The following AFF2 variants were observed in gnomAD, a reference collection of about 807,000 sequenced individuals.
AFF2 encodes ALF transcription elongation factor 2.
Under a neutral mutation model 76.9 loss-of-function variants are expected in AFF2, and 14 were observed. The observed-to-expected ratio is 0.18, with a 90% CI of 0.12 to 0.28. The LOEUF (loss-of-function observed/expected upper bound fraction) is 0.28. AFF2 is among the 10% of genes least tolerant of loss of function. The pLI is 1.00. For synonymous variants in AFF2, 398 were observed against 366.7 expected (o/e 1.09, Z -0.98); for missense variants, 868 against 1,001.1 (o/e 0.87, Z 1.79).
chrX:148,549,623 A>G (rs1433336944), intron 1 of AFF2, among the ~76,000 whole-genome samples: 2 of 111,856 alleles, frequency 1.8e-5, no homozygotes, highest in Non-Finnish European at 3.8e-5. Flanking sequence ...TAGATATGCC[A>G]ATGTGAGATT....
At chrX:148,967,182 T>A in intron 14 of AFF2, 103 bp downstream of exon 14, 1 of 1,121,661 alleles carries the variant, frequency 8.9e-7, no homozygotes, top group South Asian at 2.1e-5. Flanking sequence ...AAATAAGACC[T>A]CAGCATCAAA....
chrX:148,699,610 A>ATCT (rs1840779966), intron 3 of AFF2, among the ~76,000 whole-genome samples: 1 of 111,125 alleles, frequency 9.0e-6, no homozygotes, highest in East Asian at 2.8e-4. Context: ...GATAATGATG[A>ATCT]ACTTTCACTC....
At chrX:148,896,956 A>T in intron 8 of AFF2, among the ~76,000 whole-genome samples, 1 of 107,844 alleles carries the variant, frequency 9.3e-6, no homozygotes, top group Non-Finnish European at 1.9e-5. Context: ...TTAATGAGAA[A>T]GTAACTCCCT....
intron 9 of AFF2, among the ~76,000 whole-genome samples, chrX:148,936,299 A>G (rs575551245): frequency 1.8e-5 from 2 of 112,262 alleles, no homozygotes; most frequent in South Asian, 7.4e-4. Context: ...ACATGCAGGA[A>G]TTTACTTTGG....
At position 148,973,440 on chromosome X, in the gene AFF2, A is replaced by G. The variant is rs782639232; in HGVS notation, c.3268-31A>G. On this transcript the variant is annotated intron_variant, in intron 15 of 20. Coordinates refer to ENST00000370460, the MANE Select transcript of AFF2 (RefSeq NM_002025.4). ...TTATATGAAGGAGAAAACAGAGAGT[A>G]TTATCTTGACGAGTCATCTTCCTGT... 35 of 1,206,394 alleles carry G rather than the reference A, an allele frequency of 2.9e-5. 1 individual carries two copies. The South Asian group carries it at 5.8e-4, about 20-fold the overall frequency.
At chrX:148,655,402 A>G (rs1433055378) in intron 2 of AFF2, among the ~76,000 whole-genome samples, 1 of 108,958 alleles carries the variant, frequency 9.2e-6, no homozygotes, top group Non-Finnish European at 1.9e-5. Context: ...CAGCCTCCCA[A>G]GTATCTGGAA....
In AFF2 at chrX:148,691,873, A is replaced by G. The variant is rs139063326; in HGVS notation, c.1041+29105A>G. On this transcript the variant is annotated intron_variant, in intron 3 of 20. Transcript: ENST00000370460. Reference sequence around the variant, plus strand: ...TTGAGACCTTAAAATCCATCTCAACACAGCTGTTTAGGCAACCATCACCAT... The same window carrying G: ...TTGAGACCTTAAAATCCATCTCAACGCAGCTGTTTAGGCAACCATCACCAT... Among the ~76,000 whole-genome samples the G allele has an allele frequency of 2.7e-4, 30 of 111,894 alleles. 1 individual carries two copies. The East Asian group carries it at 6.5e-3, about 24-fold the overall frequency.
intron 3 of AFF2, among the ~76,000 whole-genome samples, chrX:148,717,741 G>T (rs928742391): frequency 9.0e-6 from 1 of 111,132 alleles, no homozygotes; most frequent in Non-Finnish European, 1.9e-5. Context: ...TGTGTTCAGA[G>T]AACAGGAAGG....
intron 1 of AFF2, among the ~76,000 whole-genome samples, chrX:148,517,905 C>G (rs1400060936): frequency 1.9e-5 from 2 of 107,934 alleles, no homozygotes; most frequent in Non-Finnish European, 1.9e-5. Context: ...CGCCTGTAGT[C>G]CCAGCTACTC....
At chrX:148,950,107 T>C (rs1293515581) in intron 9 of AFF2, among the ~76,000 whole-genome samples, 2 of 112,810 alleles carry the variant, frequency 1.8e-5, no homozygotes, top group African/African-American at 6.4e-5. Context: ...GAAAGTTCCA[T>C]GGTATATTCC....
intron 3 of AFF2, among the ~76,000 whole-genome samples, chrX:148,702,972 T>C (rs1320532957): frequency 8.9e-6 from 1 of 112,228 alleles, no homozygotes; most frequent in Non-Finnish European, 1.9e-5. Context: ...CCTATTAGGC[T>C]CAGGAAGAAA....
In AFF2 at chrX:148,718,270, C is replaced by T. The variant is rs192137594; in HGVS notation, c.1041+55502C>T. On this transcript the variant is annotated intron_variant, in intron 3 of 20. Transcript: ENST00000370460. Reference sequence around the variant, plus strand: ...CAGATGCTTTTGAAGAAAACATAATCATGGATAATCATCCACTGTTGCATT... The same window carrying T: ...CAGATGCTTTTGAAGAAAACATAATTATGGATAATCATCCACTGTTGCATT... Among the ~76,000 whole-genome samples, 5 of 111,629 alleles carry T rather than the reference C, an allele frequency of 4.5e-5. No homozygotes were observed. The Admixed American group carries it at 4.8e-4, about 11-fold the overall frequency.
At chrX:148,742,301 A>G (rs1173305633) in intron 3 of AFF2, among the ~76,000 whole-genome samples, 1 of 112,515 alleles carries the variant, frequency 8.9e-6, no homozygotes, top group Non-Finnish European at 1.9e-5. Context: ...TTTACTGAAC[A>G]TATTTCTGCG....
chrX:148,909,043 T>C (rs1280425597), intron 9 of AFF2, among the ~76,000 whole-genome samples: 1 of 112,170 alleles, frequency 8.9e-6, no homozygotes, highest in African/African-American at 3.2e-5. Context: ...TTAAGCTTTT[T>C]TGTGATGCTG....
intron 9 of AFF2, among the ~76,000 whole-genome samples, chrX:148,945,990 G>A (rs1182734518): frequency 1.8e-5 from 2 of 112,205 alleles, no homozygotes; most frequent in Non-Finnish European, 3.8e-5. Flanking sequence ...CCTGAGTCTG[G>A]TCAATCTACA....
At chrX:148,756,402 G>T (rs1185122468) in intron 3 of AFF2, among the ~76,000 whole-genome samples, 2 of 112,216 alleles carry the variant, frequency 1.8e-5, no homozygotes, top group African/African-American at 6.5e-5. Context: ...AGACTTAACT[G>T]TGCTTTCCAT....
At chrX:148,626,381 C>G (rs1158786352) in intron 1 of AFF2, among the ~76,000 whole-genome samples, 1 of 110,356 alleles carries the variant, frequency 9.1e-6, no homozygotes, top group African/African-American at 3.3e-5. Flanking sequence ...CAAGAATGTA[C>G]TATGTCCAAG....
intron 3 of AFF2, among the ~76,000 whole-genome samples, chrX:148,768,846 C>T (rs1006335000): frequency 4.5e-5 from 5 of 111,976 alleles, no homozygotes; most frequent in Middle Eastern, 4.6e-3. Flanking sequence ...TCCTCCCAGC[C>T]GACAGTCCCA....
chrX:148,700,979 A>G (rs1372787238), intron 3 of AFF2, among the ~76,000 whole-genome samples: 3 of 89,464 alleles, frequency 3.4e-5, no homozygotes, highest in Non-Finnish European at 6.4e-5. Flanking sequence ...TTTGGTAGGT[A>G]TGATGGGAGA....
Sources: gnomAD v4.1 joint callset for allele counts (sites outside exome capture counted in the v4.1 genomes callset) on GRCh38, gnomAD v4.1.1 for gene constraint, MANE v1.5 for transcripts, NCBI Gene and HGNC (gene_info 2026-07-23, HGNC 2026-07-21) for gene names.